The following KCTD16 variants were observed in gnomAD, a reference collection of about 807,000 sequenced individuals.
KCTD16 encodes the protein BTB/POZ domain-containing protein KCTD16.
Under a neutral mutation model 33.2 loss-of-function variants are expected in KCTD16, and 13 were observed. The ratio of observed to expected loss-of-function variants is 0.39; its 90% CI spans 0.25 to 0.62. The LOEUF (loss-of-function observed/expected upper bound fraction) is 0.62, where lower values mean the gene tolerates loss of function less well. KCTD16 is among the 20% of genes least tolerant of loss of function. The pLI is 0.50. For missense variants in KCTD16, 441 were observed against 525.1 expected, an observed-to-expected ratio of 0.84 and a Z score of 1.57; for synonymous variants, 197 against 195.3, an observed-to-expected ratio of 1.01 and a Z score of -0.07.
At chr5:144,464,291 G>A (rs1426413926) in intron 3 of KCTD16, among the ~76,000 whole-genome samples, 1 of 152,160 alleles carries the variant, frequency 6.6e-6, no homozygotes. Context: ...CTAGTTTTCT[G>A]AGCCATGAGC....
chr5:144,353,091 C>T (rs1175694381), intron 3 of KCTD16, among the ~76,000 whole-genome samples: 2 of 152,196 alleles, frequency 1.3e-5, no homozygotes, highest in Non-Finnish European at 2.9e-5. Context: ...ACGTTTGCCA[C>T]CTGCTGCTGC....
intron 3 of KCTD16, among the ~76,000 whole-genome samples, chr5:144,291,382 C>G (rs533129686): frequency 3.3e-5 from 5 of 152,304 alleles, no homozygotes; most frequent in African/African-American, 1.2e-4. Flanking sequence ...TCAACTCTCT[C>G]AGATCAATTT....
intron 3 of KCTD16, among the ~76,000 whole-genome samples, chr5:144,214,793 C>A (rs1256921896): frequency 1.3e-5 from 2 of 152,156 alleles, no homozygotes; most frequent in Non-Finnish European, 2.9e-5. Flanking sequence ...TATATCACAG[C>A]ACATATAATA....
intron 3 of KCTD16, among the ~76,000 whole-genome samples, chr5:144,331,256 T>G (rs971204730): frequency 5.9e-5 from 9 of 152,150 alleles, no homozygotes; most frequent in African/African-American, 2.2e-4. Flanking sequence ...GGACATGGTC[T>G]TTTGCTTTAA....
At chr5:144,366,837 A>G (rs1249823602) in intron 3 of KCTD16, among the ~76,000 whole-genome samples, 1 of 152,232 alleles carries the variant, frequency 6.6e-6, no homozygotes, top group Non-Finnish European at 1.5e-5. Flanking sequence ...GATGCCGATC[A>G]GATCCAATCA....
chr5:144,249,329 C>T (rs1425426716), intron 3 of KCTD16, among the ~76,000 whole-genome samples: 1 of 152,120 alleles, frequency 6.6e-6, no homozygotes, highest in Non-Finnish European at 1.5e-5. Context: ...CCTTAGAATG[C>T]TCTTTTGTAA....
chr5:144,355,082 A>G (rs902496834), intron 3 of KCTD16, among the ~76,000 whole-genome samples: 5 of 152,158 alleles, frequency 3.3e-5, no homozygotes, highest in Admixed American at 2.6e-4. Flanking sequence ...TTTTATAGAG[A>G]TGAAACAAGT....
At position 144,484,505 on chromosome 5, in the gene KCTD16, CTT is replaced by C. The variant is rs967552748; in HGVS notation, c.*10396_*10397del. ...AAATAATTCGTCCAAATTAAATTGA[CTT>C]TTTTACATAACATCAGCACCACCCC... is the stretch of plus-strand genomic sequence containing the variant. On this transcript the variant is annotated 3_prime_UTR_variant, in exon 4 of 4. Coordinates refer to ENST00000512467, the MANE Select transcript of KCTD16 (RefSeq NM_020768.4). The C allele has an allele frequency of 2.6e-5, 4 of 151,918 alleles. No individual in the cohort carries two copies. The highest frequency in any genetic ancestry group is 1.3e-4 in the Admixed American group (2 of 15,208). The allele number at this position is 151,918 out of a possible 1,614,324, so 9.4% of individuals were successfully genotyped here. A position where few individuals can be genotyped will look rare whatever the true frequency, so the allele number is the denominator to read the frequency against.
intron 3 of KCTD16, among the ~76,000 whole-genome samples, chr5:144,216,286 T>C (rs1024123274): frequency 2.0e-5 from 3 of 152,204 alleles, no homozygotes; most frequent in Non-Finnish European, 4.4e-5. Flanking sequence ...AGCTGTGTTA[T>C]GTGGCATTCA....
intron 2 of KCTD16, among the ~76,000 whole-genome samples, chr5:144,204,087 G>A (rs1006446600): frequency 3.9e-5 from 6 of 152,204 alleles, no homozygotes; most frequent in South Asian, 4.1e-4. Context: ...AATATGTTCA[G>A]TAACCCAATG....
chr5:144,207,677 A>G (rs970938287), intron 3 of KCTD16, 131 bp downstream of exon 3: 2 of 715,978 alleles, frequency 2.8e-6, no homozygotes, highest in Non-Finnish European at 4.5e-6. Flanking sequence ...TTGTAGTTAG[A>G]GGATTAGAGG....
chr5:144,195,267 T>G (rs760546188), intron 2 of KCTD16, among the ~76,000 whole-genome samples: 1 of 152,212 alleles, frequency 6.6e-6, no homozygotes, highest in African/African-American at 2.4e-5. Flanking sequence ...ATTTCTTCTA[T>G]TTACCTTTCT....
At position 144,481,377 on chromosome 5, in the gene KCTD16, G is replaced by A. The variant is rs1754700956; in HGVS notation, c.*7263G>A. ...GTTGAATATTCCCTCTCTGAGGATG[G>A]TAAAATCTTATTGGAAAATATGTTT... On this transcript the variant is annotated 3_prime_UTR_variant, in exon 4 of 4. Coordinates refer to ENST00000512467, the MANE Select transcript of KCTD16 (RefSeq NM_020768.4). The A allele has an allele frequency of 6.6e-6, 1 of 151,856 alleles. No individual in the cohort carries two copies. Among genetic ancestry groups the A allele is most frequent in the East Asian group, 1.9e-4 (1 of 5,158 alleles). 9.4% of individuals were successfully genotyped at this position (151,856 alleles called of 1,614,324 possible).
chr5:144,207,003 C>G lies in KCTD16; in HGVS notation c.289C>G (p.Pro97Ala). 6.2e-7 allele frequency: 1 copy of G among 1,614,104 alleles called. No individual in the cohort carries two copies. The highest frequency in any genetic ancestry group is 8.5e-7 in the Non-Finnish European group (1 of 1,180,012). The change falls in exon 3 of 4, where the codon CCT becomes GCT. Residue 97 changes from proline to alanine, a missense_variant. Pro to Ala is a conservative substitution (Grantham distance 27). This residue lies in a region of KCTD16 where 355 missense variants were observed against 413.0 expected (regional missense o/e 0.86). Coordinates refer to ENST00000512467, the MANE Select transcript of KCTD16 (RefSeq NM_020768.4). The part of the protein sequence containing the change: ...DYLRDRQVVL[P>A]DHFPEKGRLK... ...TCTCAGGGACAGGCAGGTGGTCCTG[C>G]CTGATCACTTTCCAGAAAAAGGAAG...
At chr5:144,299,106 A>ATCTCTATT (rs61620861) in intron 3 of KCTD16, among the ~76,000 whole-genome samples, 1 of 9,080 alleles carries the variant, frequency 1.1e-4, no homozygotes, top group Non-Finnish European at 2.0e-4. Context: ...GTATATATAT[A>ATCTCTATT]TATATATATA....
chr5:144,403,245 C>T (rs994795420), intron 3 of KCTD16, among the ~76,000 whole-genome samples: 3 of 152,166 alleles, frequency 2.0e-5, no homozygotes, highest in African/African-American at 4.8e-5. Context: ...AGCTGAAGTC[C>T]TAACCTCTGG....
At chr5:144,259,454 T>C (rs1289736485) in intron 3 of KCTD16, among the ~76,000 whole-genome samples, 1 of 152,082 alleles carries the variant, frequency 6.6e-6, no homozygotes, top group East Asian at 1.9e-4. Context: ...ATGTATGGCA[T>C]TCGAAAACAA....
chr5:144,391,205 A>G (rs577646641), intron 3 of KCTD16, among the ~76,000 whole-genome samples: 1 of 152,348 alleles, frequency 6.6e-6, no homozygotes, highest in African/African-American at 2.4e-5. Flanking sequence ...ATGTGTTCAT[A>G]GCTTAATATG....
chr5:144,299,898 T>TAAAA (rs66821172), intron 3 of KCTD16, among the ~76,000 whole-genome samples: 3 of 128,896 alleles, frequency 2.3e-5, no homozygotes, highest in African/African-American at 6.0e-5. Context: ...CAGAATCATT[T>TAAAA]AAAAAAAAAA....
Sources: gnomAD v4.1 joint callset for allele counts (sites outside exome capture counted in the v4.1 genomes callset) on GRCh38, gnomAD v4.1.1 for gene constraint, gnomAD v4.1.1 regional missense constraint, MANE v1.5 for transcripts, NCBI Gene and HGNC (gene_info 2026-07-23, HGNC 2026-07-21) for gene names.